Variants in GALNT13 observed in about 807,000 individuals in gnomAD.
GALNT13 encodes the protein polypeptide N-acetylgalactosaminyltransferase 13.
In GALNT13, 28 loss-of-function variants were observed where a neutral mutation model predicts 64.2. The ratio of observed to expected loss-of-function variants is 0.44; its 90% CI spans 0.32 to 0.60. GALNT13 has a LOEUF of 0.60. GALNT13 is among the 20% of genes least tolerant of loss of function. GALNT13 has a pLI of 0.05. For missense variants in GALNT13, 577 were observed against 669.8 expected (o/e 0.86, Z 1.53); for synonymous variants, 214 against 224.6 (o/e 0.95, Z 0.42).
At chr2:153,640,326 A>T in the GALNT13 span, among the ~76,000 whole-genome samples, 1 of 152,172 alleles carries the variant, frequency 6.6e-6, no homozygotes, top group East Asian at 1.9e-4. Context: ...CAGAGGCCAT[A>T]TGAGAAGCAT....
chr2:153,398,385 G>C, the GALNT13 span, among the ~76,000 whole-genome samples: 3 of 151,990 alleles, frequency 2.0e-5, no homozygotes, highest in African/African-American at 7.3e-5. Context: ...ATAAACATAC[G>C]TGTGCATGTG....
chr2:154,019,262 TG>T (rs768084104), intron 3 of GALNT13, among the ~76,000 whole-genome samples: 2 of 152,154 alleles, frequency 1.3e-5, no homozygotes, highest in Non-Finnish European at 2.9e-5. Flanking sequence ...TCAAATGGAT[TG>T]TTTAGGTTTT....
the GALNT13 span, among the ~76,000 whole-genome samples, chr2:153,795,276 A>T: frequency 0.085 from 12,869 of 152,252 alleles, 1,169 homozygotes; most frequent in African/African-American, 0.23. Context: ...TGCTGAAAAT[A>T]GAGTCAATTT....
chr2:154,377,345 A>C (rs1485431101), intron 9 of GALNT13, among the ~76,000 whole-genome samples: 1 of 152,086 alleles, frequency 6.6e-6, no homozygotes, highest in African/African-American at 2.4e-5. Flanking sequence ...TGACAATGGA[A>C]ATGTTTATTT....
intron 4 of GALNT13, among the ~76,000 whole-genome samples, chr2:154,151,060 G>A (rs561760495): frequency 3.3e-5 from 5 of 152,102 alleles, no homozygotes; most frequent in African/African-American, 1.2e-4. Context: ...TTCTCTTATG[G>A]GCATTTAGTG....
chr2:153,827,280 G>A, the GALNT13 span, among the ~76,000 whole-genome samples: 1 of 152,046 alleles, frequency 6.6e-6, no homozygotes, highest in Non-Finnish European at 1.5e-5. Context: ...ACACCCCACT[G>A]GGTTCCTCCC....
chr2:153,240,696 T>C, the GALNT13 span, among the ~76,000 whole-genome samples: 1 of 152,204 alleles, frequency 6.6e-6, no homozygotes, highest in African/African-American at 2.4e-5. Flanking sequence ...TGCAGCCCTA[T>C]CACATTGTGT....
intron 9 of GALNT13, among the ~76,000 whole-genome samples, chr2:154,372,816 C>G (rs548089455): frequency 1.2e-4 from 18 of 144,998 alleles, no homozygotes; most frequent in Admixed American, 7.7e-4. Flanking sequence ...ATACATTGCT[C>G]TATATTTGAA....
At chr2:153,435,502 C>T in the GALNT13 span, among the ~76,000 whole-genome samples, 3 of 151,768 alleles carry the variant, frequency 2.0e-5, no homozygotes, top group Admixed American at 1.3e-4. Flanking sequence ...TCTTTTATTT[C>T]CTTGAGCAGT....
At chr2:154,216,138 C>T (rs1452775517) in intron 4 of GALNT13, among the ~76,000 whole-genome samples, 1 of 151,950 alleles carries the variant, frequency 6.6e-6, no homozygotes, top group African/African-American at 2.4e-5. Flanking sequence ...TTTTGAGCTT[C>T]CTGTACAACA....
At chr2:153,419,798 A>C in the GALNT13 span, among the ~76,000 whole-genome samples, 1 of 152,224 alleles carries the variant, frequency 6.6e-6, no homozygotes, top group Non-Finnish European at 1.5e-5. Flanking sequence ...AAACTAAGTG[A>C]AAATTAGTTT....
chr2:153,972,325 C>T (rs1043329928), intron 3 of GALNT13, among the ~76,000 whole-genome samples: 36 of 152,020 alleles, frequency 2.4e-4, no homozygotes, highest in Admixed American at 1.3e-4. Flanking sequence ...TGTCCCAAAT[C>T]GCAAAGTGAT....
At chr2:153,595,373 C>T in the GALNT13 span, among the ~76,000 whole-genome samples, 1 of 151,190 alleles carries the variant, frequency 6.6e-6, no homozygotes, top group African/African-American at 2.4e-5. Context: ...TTGTTTATAA[C>T]AATAAATGTA....
At chr2:153,546,737 A>T in the GALNT13 span, among the ~76,000 whole-genome samples, 37 of 152,218 alleles carry the variant, frequency 2.4e-4, no homozygotes, top group Non-Finnish European at 2.1e-4. Context: ...TGCCTCAATA[A>T]CCACAATGTA....
chr2:153,104,837 C>T, the GALNT13 span, among the ~76,000 whole-genome samples: 1 of 151,972 alleles, frequency 6.6e-6, no homozygotes, highest in Non-Finnish European at 1.5e-5. Context: ...TTTTCACAGA[C>T]CTATTTTGTA....
chr2:153,695,205 CCATGTAGG>C, the GALNT13 span, among the ~76,000 whole-genome samples: 10 of 152,098 alleles, frequency 6.6e-5, no homozygotes, highest in Admixed American at 3.9e-4. Flanking sequence ...CACTTAGGGA[CCATGTAGG>C]CATGTGTCAA....
chr2:153,435,172 C>G, the GALNT13 span, among the ~76,000 whole-genome samples: 3 of 152,166 alleles, frequency 2.0e-5, no homozygotes, highest in East Asian at 5.8e-4. Context: ...GGGCTCTGTT[C>G]TGTTACATTG....
the GALNT13 span, among the ~76,000 whole-genome samples, chr2:153,831,580 G>T: frequency 6.6e-6 from 1 of 152,082 alleles, no homozygotes; most frequent in East Asian, 1.9e-4. Flanking sequence ...CAGAAACCCA[G>T]CACCGTTGCC....
chr2:153,831,800 C>T, the GALNT13 span, among the ~76,000 whole-genome samples: 5 of 152,212 alleles, frequency 3.3e-5, no homozygotes, highest in East Asian at 1.9e-4. Flanking sequence ...AGTGGACTCT[C>T]GCTAATAACT....
Sources: gnomAD v4.1 joint callset for allele counts (sites outside exome capture counted in the v4.1 genomes callset) on GRCh38, gnomAD v4.1.1 for gene constraint, MANE v1.5 for transcripts, NCBI Gene and HGNC (gene_info 2026-07-23, HGNC 2026-07-21) for gene names.